Variants in DEDD2 observed in about 807,000 individuals in gnomAD.
DEDD2 encodes the protein death effector domain containing 2.
Under a neutral mutation model 28.9 loss-of-function variants are expected in DEDD2, and 18 were observed. The ratio of observed to expected loss-of-function variants is 0.62; its 90% CI spans 0.43 to 0.92. DEDD2 has a LOEUF of 0.92. Among genes scored for constraint, DEDD2 ranks in the 40% least tolerant of loss-of-function variants. The pLI is 0.00. For missense variants in DEDD2, 411 were observed against 463.3 expected (o/e 0.89, Z 1.04); for synonymous variants, 211 against 206.1 (o/e 1.02, Z -0.20).
chr19:42,210,978 G>T (rs146401378), intron 3 of DEDD2, among the ~76,000 whole-genome samples: 3,867 of 150,694 alleles, frequency 0.026, 167 homozygotes, highest in African/African-American at 0.089. Context: ...GCTGAGGCAG[G>T]AGAATTGCTT....
chr19:42,206,070 A>G (rs2146869275), intron 4 of DEDD2, among the ~76,000 whole-genome samples: 1 of 149,192 alleles, frequency 6.7e-6, no homozygotes, highest in East Asian at 2.0e-4. Flanking sequence ...GGCGACGGAG[A>G]CCCTGTCTCA....
chr19:42,214,443 A>G (rs59099214), intron 3 of DEDD2, among the ~76,000 whole-genome samples: 17,946 of 152,094 alleles, frequency 0.12, 1,210 homozygotes, highest in South Asian at 0.18. Context: ...GAGTGACAGA[A>G]TGAGATTCTG....
intron 3 of DEDD2, among the ~76,000 whole-genome samples, chr19:42,214,621 G>A (rs2035890906): frequency 6.6e-6 from 1 of 152,078 alleles, no homozygotes; most frequent in Non-Finnish European, 1.5e-5. Flanking sequence ...AAATTAGCCA[G>A]GCATGGTGGC....
At chr19:42,210,279 G>C (rs1319476793) in intron 3 of DEDD2, among the ~76,000 whole-genome samples, 2 of 152,118 alleles carry the variant, frequency 1.3e-5, no homozygotes, top group South Asian at 2.1e-4. Flanking sequence ...TGCATAAGGA[G>C]GGAAATTAAG....
intron 3 of DEDD2, among the ~76,000 whole-genome samples, chr19:42,214,222 C>T (rs899093484): frequency 6.6e-6 from 1 of 152,090 alleles, no homozygotes; most frequent in Admixed American, 6.6e-5. Flanking sequence ...TTCGGAGGCC[C>T]AGGTGGGCAG....
chr19:42,208,046 C>T lies in DEDD2; in HGVS notation c.589+1654G>A, dbSNP rs949724446. 4.6e-5 allele frequency among the ~76,000 whole-genome samples: 7 copies of T among 152,204 alleles called. No homozygotes were observed. The East Asian group carries it at 5.8e-4, about 13-fold the overall frequency. On this transcript the variant is annotated intron_variant, in intron 4 of 4. Coordinates refer to ENST00000596251, the MANE Select transcript of DEDD2 (RefSeq NM_133328.4). ...CCAGAGCCCCTGCACTCACAATACC[C>T]GTGCCACCTGTCACATCAGCCTGGC...
At chr19:42,210,620 C>T (rs1172687148) in intron 3 of DEDD2, among the ~76,000 whole-genome samples, 1 of 151,956 alleles carries the variant, frequency 6.6e-6, no homozygotes, top group Admixed American at 6.5e-5. Context: ...TCTCAAACTC[C>T]TGACCTCAAG....
chr19:42,205,944 G>A (rs2035515790), intron 4 of DEDD2, among the ~76,000 whole-genome samples: 1 of 152,044 alleles, frequency 6.6e-6, no homozygotes, highest in African/African-American at 2.4e-5. Context: ...AATTAGCCAG[G>A]CATGCTGGAT....
At position 42,209,792 on chromosome 19, in the gene DEDD2, C is replaced by G; in HGVS notation, c.497G>C (p.Gly166Ala). 1 of 1,585,356 alleles carries G rather than the reference C, an allele frequency of 6.3e-7. No homozygotes were observed. The highest frequency in any genetic ancestry group is 8.6e-7 in the Non-Finnish European group (1 of 1,167,258). ...CCCTCTCCGCCGCCGTCTGGCACCA[C>G]CACTGGGCCGGCCCCGACTCCGCCG... The part of the protein sequence containing the change: ...RQRRSRGRPS[G>A]GARRRRRGAP... The change falls in exon 4 of 5, where the codon GGT becomes GCT. Residue 166 changes from glycine to alanine, a missense_variant. Physicochemically the swap from Gly to Ala is moderately conservative, Grantham distance 60. This residue lies in a region of DEDD2 where 282 missense variants were observed against 273.4 expected (regional missense o/e 1.03). Transcript: ENST00000596251.
intron 3 of DEDD2, among the ~76,000 whole-genome samples, chr19:42,214,639 T>C (rs765697298): frequency 7.2e-5 from 11 of 152,112 alleles, no homozygotes; most frequent in Non-Finnish European, 1.2e-4. Flanking sequence ...GGCATACCCC[T>C]GTAGTTCTAG....
intron 3 of DEDD2, among the ~76,000 whole-genome samples, chr19:42,213,211 A>G (rs1030192358): frequency 6.6e-6 from 1 of 152,214 alleles, no homozygotes; most frequent in African/African-American, 2.4e-5. Flanking sequence ...TAAATAGTGT[A>G]TGGGTCTATA....
chr19:42,200,524 G>A (rs7253232), intron 4 of DEDD2, among the ~76,000 whole-genome samples: 20,394 of 152,232 alleles, frequency 0.13, 2,002 homozygotes, highest in Non-Finnish European at 0.2. Flanking sequence ...CTGCGGATGC[G>A]CAGGGTCCTG....
At position 42,199,832 on chromosome 19, in the gene DEDD2, GC is replaced by G; in HGVS notation, c.590-4del. On this transcript the variant is annotated splice_polypyrimidine_tract_variant and splice_region_variant and intron_variant, in intron 4 of 4. Transcript: ENST00000596251. This position sits in a 1 kb window ranked among gnomAD's most constrained non-coding sequence, Gnocchi z 7.4. ...TGCTCGAACCCGGAGCCGGATGTCT[GC>G]AGGGGAAGGAGGGATTTGTCAGGGA... 2 of 1,583,042 alleles carry G rather than the reference GC, an allele frequency of 1.3e-6. No individual in the cohort carries two copies. The highest frequency in any genetic ancestry group is 1.7e-6 in the Non-Finnish European group (2 of 1,163,974).
chr19:42,204,443 C>G (rs1232780814), intron 4 of DEDD2: 1 of 152,050 alleles, frequency 6.6e-6, no homozygotes, highest in East Asian at 1.9e-4. Context: ...TGGCAGCTCC[C>G]CCACCCCCCA....
chr19:42,201,351 C>T (rs1216440175), intron 4 of DEDD2, among the ~76,000 whole-genome samples: 1 of 152,226 alleles, frequency 6.6e-6, no homozygotes, highest in Non-Finnish European at 1.5e-5. Context: ...AACAAGGGGA[C>T]AATTCCTACT....
At chr19:42,217,432 C>T (rs1057305061) in intron 1 of DEDD2, among the ~76,000 whole-genome samples, 200 bp downstream of exon 1, 1 of 152,188 alleles carries the variant, frequency 6.6e-6, no homozygotes, top group Admixed American at 6.5e-5. Flanking sequence ...TCCCCCGGCT[C>T]TACGCAAGTG....
chr19:42,213,504 G>T (rs188402486), intron 3 of DEDD2, among the ~76,000 whole-genome samples: 3 of 152,110 alleles, frequency 2.0e-5, no homozygotes, highest in Middle Eastern at 3.2e-3. Flanking sequence ...TTCCCACATC[G>T]GAAAAGCCAG....
At chr19:42,205,541 C>T (rs531844672) in intron 4 of DEDD2, among the ~76,000 whole-genome samples, 44 of 152,154 alleles carry the variant, frequency 2.9e-4, no homozygotes, top group Admixed American at 2.8e-3. Context: ...GCAGGAGAAT[C>T]GCTTCAACCC....
intron 4 of DEDD2, among the ~76,000 whole-genome samples, chr19:42,208,136 G>T (rs1388370847): frequency 6.6e-6 from 1 of 152,148 alleles, no homozygotes; most frequent in Non-Finnish European, 1.5e-5. Flanking sequence ...GATCCCTTCT[G>T]TGTTTCCCAA....
Sources: allele counts gnomAD v4.1 joint callset (sites outside exome capture counted in the v4.1 genomes callset), GRCh38; gene constraint gnomAD v4.1.1; regional missense constraint gnomAD v4.1.1; non-coding constraint Gnocchi (gnomAD v3.1); transcripts MANE v1.5; gene names NCBI Gene and HGNC (gene_info 2026-07-23, HGNC 2026-07-21).